The following WDR72 variants were observed in gnomAD, a reference collection of about 807,000 sequenced individuals.
WDR72 encodes WD repeat domain 72.
A neutral mutation model predicts 124.2 loss-of-function variants in WDR72; 120 were observed. That is an observed-to-expected ratio of 0.97 (90% CI 0.83 to 1.12). The LOEUF is 1.12. WDR72 is among the 50% of genes most tolerant of loss of function. WDR72 has a pLI of 0.00. For synonymous variants in WDR72, 452 were observed against 441.7 expected (o/e 1.02, Z -0.29); for missense variants, 1,387 against 1,278.8 (o/e 1.08, Z -1.29).
At chr15:53,685,685 C>T (rs1339291790) in intron 13 of WDR72, among the ~76,000 whole-genome samples, 1 of 151,272 alleles carries the variant, frequency 6.6e-6, no homozygotes, top group African/African-American at 2.4e-5. Context: ...GGCAGGCCAA[C>T]ATTCAGATTC....
chr15:53,670,667 C>T (rs1468030332), intron 13 of WDR72, among the ~76,000 whole-genome samples: 1 of 152,164 alleles, frequency 6.6e-6, no homozygotes, highest in East Asian at 1.9e-4. Flanking sequence ...CTCTGTGCCT[C>T]AATATCTTCA....
intron 18 of WDR72, among the ~76,000 whole-genome samples, chr15:53,589,328 G>T (rs1364029607): frequency 1.3e-5 from 2 of 151,870 alleles, no homozygotes; most frequent in Admixed American, 6.6e-5. Context: ...GACTTTGTCT[G>T]GATGCTAAAG....
intron 18 of WDR72, among the ~76,000 whole-genome samples, chr15:53,557,994 A>T (rs1428169148): frequency 6.6e-6 from 1 of 151,862 alleles, no homozygotes; most frequent in Non-Finnish European, 1.5e-5. Context: ...GGTAGAGGTG[A>T]CCTCTTCCCT....
chr15:53,715,104 G>T, intron 5 of WDR72, 89 bp downstream of exon 5: 1 of 1,429,294 alleles, frequency 7.0e-7, no homozygotes, highest in South Asian at 1.2e-5. Flanking sequence ...CATTCTTTCT[G>T]AATTTCTGCC....
chr15:53,587,723 AG>A (rs2012290869), intron 18 of WDR72, among the ~76,000 whole-genome samples: 1 of 152,012 alleles, frequency 6.6e-6, no homozygotes, highest in African/African-American at 2.4e-5. Context: ...TGAGGCTGGA[AG>A]TTTATATAGA....
At chr15:53,599,593 C>T (rs1461627042) in intron 17 of WDR72, among the ~76,000 whole-genome samples, 1 of 152,042 alleles carries the variant, frequency 6.6e-6, no homozygotes, top group African/African-American at 2.4e-5. Context: ...TATCCTAAGA[C>T]CCACAATGTG....
rs902583745 is a variant in WDR72, at chr15:53,722,965, C to T, written c.154-57G>A. 9 of 1,470,262 alleles carry T rather than the reference C, an allele frequency of 6.1e-6. No individual in the cohort carries two copies. In the African/African-American group the frequency reaches 1.1e-4, roughly 18 times the overall value. 91.1% of individuals were successfully genotyped at this position (1,470,262 alleles called of 1,614,324 possible). ...TTGTAAACTGTTTGAAGAATAAAAA[C>T]ACCACAATATAGTATTCATAACTCT... On this transcript the variant is annotated intron_variant, in intron 2 of 19. Transcript: ENST00000360509.
chr15:53,715,719 G>A (rs1436836537), intron 4 of WDR72, among the ~76,000 whole-genome samples: 1 of 152,190 alleles, frequency 6.6e-6, no homozygotes, highest in Non-Finnish European at 1.5e-5. Context: ...TGCTTTGGGA[G>A]GAGGCTATGG....
upstream of WDR72, among the ~76,000 whole-genome samples, chr15:53,761,605 T>G (rs978040239): frequency 3.3e-5 from 5 of 152,072 alleles, no homozygotes; most frequent in Admixed American, 1.3e-4. Context: ...GTGAATAGAT[T>G]GCTTGCTCCC....
At chr15:53,720,492 T>C (rs2017847332) in intron 3 of WDR72, among the ~76,000 whole-genome samples, 1 of 152,240 alleles carries the variant, frequency 6.6e-6, no homozygotes, top group South Asian at 2.1e-4. Context: ...TTTAGAAATG[T>C]GTTATTATAC....
chr15:53,733,646 T>C (rs943634086), intron 1 of WDR72, among the ~76,000 whole-genome samples: 6 of 152,224 alleles, frequency 3.9e-5, no homozygotes, highest in Admixed American at 6.5e-5. Flanking sequence ...TGTTTCCTAG[T>C]CTTCAAGATT....
intron 14 of WDR72, among the ~76,000 whole-genome samples, chr15:53,656,957 C>T (rs959833153): frequency 1.1e-4 from 16 of 151,858 alleles, no homozygotes; most frequent in African/African-American, 3.4e-4. Flanking sequence ...TTGTGAGAGG[C>T]TACATGTTTT....
chr15:53,683,373 C>T (rs1365372428), intron 13 of WDR72, among the ~76,000 whole-genome samples: 1 of 152,102 alleles, frequency 6.6e-6, no homozygotes, highest in African/African-American at 2.4e-5. Flanking sequence ...ATGATAAATA[C>T]TCAAGGTGAT....
At chr15:53,557,265 G>A (rs1566959303) in intron 18 of WDR72, among the ~76,000 whole-genome samples, 1 of 152,044 alleles carries the variant, frequency 6.6e-6, no homozygotes. Context: ...CTAAGTGAAG[G>A]GAGCTGTGTT....
intron 16 of WDR72, among the ~76,000 whole-genome samples, chr15:53,611,431 A>C (rs2013534258): frequency 6.6e-6 from 1 of 152,050 alleles, no homozygotes. Flanking sequence ...TCTTTGCAGA[A>C]ACACTTATAT....
intron 18 of WDR72, among the ~76,000 whole-genome samples, chr15:53,532,697 TAGAA>T (rs1328094695): frequency 6.6e-6 from 1 of 151,878 alleles, no homozygotes; most frequent in African/African-American, 2.4e-5. Flanking sequence ...TACAGTAAGA[TAGAA>T]GGAATAAGAT....
chr15:53,646,607 C>T (rs2015050773), intron 14 of WDR72, among the ~76,000 whole-genome samples: 1 of 152,030 alleles, frequency 6.6e-6, no homozygotes, highest in Non-Finnish European at 1.5e-5. Context: ...AGCTAGGGAC[C>T]AATGTATTCT....
chr15:53,627,232 A>C (rs2014246994), intron 14 of WDR72, among the ~76,000 whole-genome samples: 1 of 152,218 alleles, frequency 6.6e-6, no homozygotes. Context: ...TTTTTAAAAG[A>C]TACAAGGGTC....
At chr15:53,683,625 C>T (rs74015883) in intron 13 of WDR72, among the ~76,000 whole-genome samples, 2,137 of 152,006 alleles carry the variant, frequency 0.014, 59 homozygotes, top group African/African-American at 0.049. Flanking sequence ...GTACCTATTT[C>T]CCCATAGAAA....
Sources: gnomAD v4.1 joint callset for allele counts (sites outside exome capture counted in the v4.1 genomes callset) on GRCh38, gnomAD v4.1.1 for gene constraint, MANE v1.5 for transcripts, NCBI Gene and HGNC (gene_info 2026-07-23, HGNC 2026-07-21) for gene names.